Variants in WDFY2 observed in about 807,000 individuals in gnomAD.
WDFY2 encodes the protein WD repeat and FYVE domain-containing protein 2.
WDFY2 carries 36 observed loss-of-function variants against 56.4 expected under a neutral mutation model. That is an observed-to-expected ratio of 0.64 (90% CI 0.49 to 0.84). The LOEUF (loss-of-function observed/expected upper bound fraction) is 0.84, where lower values mean the gene tolerates loss of function less well. Ranked by LOEUF, WDFY2 falls within the 40% of genes least tolerant of loss-of-function variation. The pLI is 0.00. For synonymous variants in WDFY2, 176 were observed against 183.7 expected (o/e 0.96, Z 0.34); for missense variants, 444 against 512.2 (o/e 0.87, Z 1.29).
At chr13:51,619,433 CA>C (rs5803565) in intron 1 of WDFY2, among the ~76,000 whole-genome samples, 60,351 of 135,654 alleles carry the variant, frequency 0.44, 12,193 homozygotes, top group Admixed American at 0.54. Flanking sequence ...ACACTATCTC[CA>C]AAAAAAAAAA....
At chr13:51,694,331 C>T (rs1328511110) in intron 3 of WDFY2, among the ~76,000 whole-genome samples, 1 of 152,230 alleles carries the variant, frequency 6.6e-6, no homozygotes, top group South Asian at 2.1e-4. Flanking sequence ...CTGGTTGTTC[C>T]TTTCCATGTT....
intron 1 of WDFY2, among the ~76,000 whole-genome samples, chr13:51,638,886 A>T (rs1275384358): frequency 6.6e-6 from 1 of 152,206 alleles, no homozygotes; most frequent in Non-Finnish European, 1.5e-5. Flanking sequence ...GATTCTTTGG[A>T]ATTTCAGAAT....
intron 4 of WDFY2, among the ~76,000 whole-genome samples, chr13:51,715,972 A>G (rs1226916174): frequency 6.6e-6 from 1 of 152,210 alleles, no homozygotes; most frequent in Admixed American, 6.5e-5. Flanking sequence ...AAAAAAATGG[A>G]AATAACCTCA....
At chr13:51,620,432 G>A (rs1179566671) in intron 1 of WDFY2, among the ~76,000 whole-genome samples, 4 of 151,856 alleles carry the variant, frequency 2.6e-5, no homozygotes, top group Non-Finnish European at 5.9e-5. Context: ...GTGCTCTGGC[G>A]GGCTCCACTT....
chr13:51,618,115 T>C (rs931885371), intron 1 of WDFY2, among the ~76,000 whole-genome samples: 2 of 152,246 alleles, frequency 1.3e-5, no homozygotes, highest in Admixed American at 1.3e-4. Context: ...TTCAATACAA[T>C]TTTATGTCAT....
intron 1 of WDFY2, 67 bp downstream of exon 1, chr13:51,584,891 A>T: frequency 1.3e-6 from 2 of 1,593,886 alleles, no homozygotes; most frequent in Admixed American, 3.5e-5. Context: ...AGCCCGCGTC[A>T]GGGGCTGTGC....
chr13:51,597,872 G>A (rs754968213), intron 1 of WDFY2, among the ~76,000 whole-genome samples: 38 of 152,214 alleles, frequency 2.5e-4, no homozygotes, highest in Non-Finnish European at 4.6e-4. Context: ...AACCTTGGTG[G>A]TTTTTAGTTG....
chr13:51,607,461 A>T (rs1187327821), intron 1 of WDFY2, among the ~76,000 whole-genome samples: 1 of 152,198 alleles, frequency 6.6e-6, no homozygotes, highest in African/African-American at 2.4e-5. Flanking sequence ...AGGAGTGTAT[A>T]TCTTGGGATG....
Position 51,727,503 on chromosome 13 carries a change from C to A in WDFY2, c.486-175C>A, listed in dbSNP as rs147436594. On this transcript the variant is annotated intron_variant, in intron 5 of 11. Transcript: ENST00000298125. ...ATCTTTAAGTTTTAAGTCTTACTGT[C>A]CAATAATACAGTATGTCCTTCATTT... is the stretch of plus-strand genomic sequence containing the variant. Among the ~76,000 whole-genome samples the A allele has an allele frequency of 5.5e-3, 834 of 152,272 alleles. 4 individuals carry two copies. The highest frequency in any genetic ancestry group is 8.1e-3 in the Non-Finnish European group (552 of 68,016).
chr13:51,679,190 T>C (rs1198448902), intron 3 of WDFY2, among the ~76,000 whole-genome samples: 1 of 152,134 alleles, frequency 6.6e-6, no homozygotes, highest in Non-Finnish European at 1.5e-5. Flanking sequence ...TCATACCATA[T>C]TTAAAGGGGA....
chr13:51,756,325 C>G lies in WDFY2; in HGVS notation c.934-7C>G. ...TGATGAGTATCTATTTTATCTCCCT[C>G]CTCCAGCACCACTGCCGCAAGTGTG... is the stretch of plus-strand genomic sequence containing the variant. On this transcript the variant is annotated splice_region_variant and splice_polypyrimidine_tract_variant and intron_variant, in intron 9 of 11. Transcript: ENST00000298125. The G allele has an allele frequency of 6.2e-7, 1 of 1,612,000 alleles. No individual in the cohort carries two copies. Among genetic ancestry groups the G allele is most frequent in the Non-Finnish European group, 8.5e-7 (1 of 1,178,932 alleles).
intron 1 of WDFY2, among the ~76,000 whole-genome samples, chr13:51,641,342 T>C (rs1955152127): frequency 6.6e-6 from 1 of 152,026 alleles, no homozygotes; most frequent in Non-Finnish European, 1.5e-5. Flanking sequence ...ATGCTGGGAT[T>C]ACAGGCGTGA....
chr13:51,741,376 G>T (rs1028056609), intron 7 of WDFY2, among the ~76,000 whole-genome samples: 11 of 152,184 alleles, frequency 7.2e-5, no homozygotes. Context: ...CCCCGGGGAG[G>T]GGTTGCTCTG....
At chr13:51,585,013 G>A (rs1305463757) in intron 1 of WDFY2, among the ~76,000 whole-genome samples, 189 bp downstream of exon 1, 1 of 152,232 alleles carries the variant, frequency 6.6e-6, no homozygotes. Flanking sequence ...TCCGGGAAGC[G>A]GAGCCGGGAC....
chr13:51,672,638 G>A lies in WDFY2; in HGVS notation c.206-2532G>A, dbSNP rs779995432. Among the ~76,000 whole-genome samples the A allele has an allele frequency of 2.6e-5, 4 of 152,076 alleles. No individual in the cohort carries two copies. In the South Asian group the frequency reaches 8.3e-4, roughly 32 times the overall value. ...TTGAATTTGTTGATTGCTTTTGGCGGTATGTTCATTTTCACAATATTGATT... is the reference window on the plus strand; with the variant it reads ...TTGAATTTGTTGATTGCTTTTGGCGATATGTTCATTTTCACAATATTGATT... On this transcript the variant is annotated intron_variant, in intron 2 of 11. Coordinates refer to ENST00000298125, the MANE Select transcript of WDFY2 (RefSeq NM_052950.4).
intron 1 of WDFY2, among the ~76,000 whole-genome samples, chr13:51,597,682 G>A (rs983283597): frequency 9.2e-5 from 14 of 152,224 alleles, no homozygotes; most frequent in African/African-American, 3.4e-4. Context: ...TTAGTTACTT[G>A]AAATGGAGTT....
intron 1 of WDFY2, among the ~76,000 whole-genome samples, chr13:51,614,005 T>TA (rs1954554624): frequency 6.6e-6 from 1 of 151,984 alleles, no homozygotes; most frequent in African/African-American, 2.4e-5. Context: ...GCTAACATAG[T>TA]GAAACCCCGT....
At chr13:51,706,127 G>T (rs988012758) in intron 4 of WDFY2, among the ~76,000 whole-genome samples, 4 of 152,002 alleles carry the variant, frequency 2.6e-5, no homozygotes, top group South Asian at 2.1e-4. Context: ...ATCTACAGAG[G>T]ATTACAAAAA....
At chr13:51,648,118 G>A (rs535213110) in intron 1 of WDFY2, among the ~76,000 whole-genome samples, 4 of 152,310 alleles carry the variant, frequency 2.6e-5, no homozygotes, top group Admixed American at 6.5e-5. Flanking sequence ...AACTGAGGCA[G>A]GCACTGAATT....
Sources: allele counts gnomAD v4.1 joint callset (sites outside exome capture counted in the v4.1 genomes callset), GRCh38; gene constraint gnomAD v4.1.1; transcripts MANE v1.5; gene names NCBI Gene and HGNC (gene_info 2026-07-23, HGNC 2026-07-21).